Variants in HSPA12B observed in about 807,000 individuals in gnomAD.
The protein encoded by HSPA12B is heat shock 70 kDa protein 12B.
Under a neutral mutation model 69.3 loss-of-function variants are expected in HSPA12B, and 54 were observed. The observed-to-expected ratio is 0.78, with a 90% CI of 0.63 to 0.98. The LOEUF (loss-of-function observed/expected upper bound fraction) is 0.98, where lower values mean the gene tolerates loss of function less well. HSPA12B is among the 50% of genes least tolerant of loss of function. The pLI, the probability that HSPA12B is intolerant of heterozygous loss-of-function variation, is 0.00. For synonymous variants in HSPA12B, 441 were observed against 436.5 expected, an observed-to-expected ratio of 1.01 and a Z score of -0.13; for missense variants, 929 against 999.8, an observed-to-expected ratio of 0.93 and a Z score of 0.96.
intron 4 of HSPA12B, among the ~76,000 whole-genome samples, chr20:3,743,405 G>C (rs1490329756): frequency 1.3e-5 from 2 of 151,762 alleles, no homozygotes; most frequent in South Asian, 2.1e-4. Flanking sequence ...TGTGTTGCCA[G>C]GGCTGGTCTT....
At position 3,750,082 on chromosome 20, in the gene HSPA12B, G is replaced by A; in HGVS notation, c.1156G>A (p.Asp386Asn). 2.5e-6 allele frequency: 4 copies of A among 1,612,302 alleles called. No individual in the cohort carries two copies. Among genetic ancestry groups the A allele is most frequent in the Non-Finnish European group, 3.4e-6 (4 of 1,179,676 alleles). The stretch of plus-strand genomic sequence containing the variant: ...AAGGCAACGGCCGGCAGCCTGGGTA[G>A]ATCTGACCATCGCCTTCGAGGCTCG... The part of the protein sequence containing the change: ...FKRQRPAAWV[D>N]LTIAFEARKR... The change falls in exon 11 of 13, where the codon GAT (aspartate) becomes AAT (asparagine). Residue 386 changes from aspartate (D) to asparagine (N), a missense_variant. Around this residue, in one of 3 missense-constraint regions of HSPA12B, gnomAD observed 477 missense variants for 535.2 expected, o/e 0.89. Coordinates refer to ENST00000254963, the MANE Select transcript of HSPA12B (RefSeq NM_052970.5).
chr20:3,753,008 T>A lies in HSPA12B; in HGVS notation c.*842T>A, dbSNP rs2088455548. The A allele has an allele frequency of 6.5e-6, 1 of 153,322 alleles. No individual in the cohort carries two copies. Among genetic ancestry groups the A allele is most frequent in the Non-Finnish European group, 1.5e-5 (1 of 68,040 alleles). 9.5% of individuals were successfully genotyped at this position (153,322 alleles called of 1,614,324 possible). A position where few individuals can be genotyped will look rare whatever the true frequency, so the allele number is the denominator to read the frequency against. ...CTCTTACCGCTCATGGGCCTCAGTT[T>A]CCTAAAGTGTGAAATGTCAGGCACT... On this transcript the variant is annotated 3_prime_UTR_variant, in exon 13 of 13. Transcript: ENST00000254963.
rs6052051 is a variant in HSPA12B at position 3,741,127 on chromosome 20, G to A, written c.141+215G>A. On this transcript the variant is annotated intron_variant, in intron 3 of 12. Coordinates refer to ENST00000254963, the MANE Select transcript of HSPA12B (RefSeq NM_052970.5). Reference sequence around the variant, plus strand: ...AGGGTAACAATTCTACTGAGAAGGCGAGCCCCATGTAACTAACTCCCAACC... The same window carrying A: ...AGGGTAACAATTCTACTGAGAAGGCAAGCCCCATGTAACTAACTCCCAACC... 8.3e-4 allele frequency among the ~76,000 whole-genome samples: 127 copies of A among 152,136 alleles called. 7 individuals are homozygous for A. Among genetic ancestry groups the A allele is most frequent in the Admixed American group, 3.3e-3 (50 of 15,256 alleles).
At position 3,745,707 on chromosome 20, in the gene HSPA12B, G is replaced by T. The variant is rs1440532922; in HGVS notation, c.558+110G>T. On this transcript the variant is annotated intron_variant, in intron 6 of 12. Transcript: ENST00000254963. This position sits in a 1 kb window ranked among gnomAD's most constrained non-coding sequence, Gnocchi z 5.6. ...GACATTGGATGGGTAGCCACCGCCG[G>T]AGCTCAGAGGTCATCTTCTCCAGTA... The T allele has an allele frequency of 9.7e-7, 1 of 1,026,440 alleles. No homozygotes were observed. The highest frequency in any genetic ancestry group is 1.6e-5 in the African/African-American group (1 of 63,432). The allele number at this position is 1,026,440 out of a possible 1,614,324, so 63.6% of individuals were successfully genotyped here. A position where few individuals can be genotyped will look rare whatever the true frequency, so the allele number is the denominator to read the frequency against.
At chr20:3,735,589 C>T (rs953529387) in intron 1 of HSPA12B, among the ~76,000 whole-genome samples, 5 of 152,140 alleles carry the variant, frequency 3.3e-5, no homozygotes, top group Non-Finnish European at 5.9e-5. Context: ...CCTCAGCCTC[C>T]TGAGTAGCTG....
chr20:3,742,666 C>T (rs1454022403), intron 4 of HSPA12B, among the ~76,000 whole-genome samples: 1 of 151,782 alleles, frequency 6.6e-6, no homozygotes, highest in East Asian at 1.9e-4. Flanking sequence ...ATATAACAAA[C>T]ATAACAATAA....
Position 3,752,360 on chromosome 20 carries a change from C to T in HSPA12B, c.*194C>T. On this transcript the variant is annotated 3_prime_UTR_variant, in exon 13 of 13. Coordinates refer to ENST00000254963, the MANE Select transcript of HSPA12B (RefSeq NM_052970.5). ...CCCAGAGACTGGCTTTGGGATTGGGCACTGGTCCGCTGACTGCCAGGCTGA... is the reference window on the plus strand; with the variant it reads ...CCCAGAGACTGGCTTTGGGATTGGGTACTGGTCCGCTGACTGCCAGGCTGA... The T allele has an allele frequency of 1.9e-6, 1 of 527,560 alleles. No individual in the cohort carries two copies. The highest frequency in any genetic ancestry group is 2.0e-5 in the African/African-American group (1 of 49,872). 32.7% of individuals were successfully genotyped at this position (527,560 alleles called of 1,614,324 possible).
At position 3,749,068 on chromosome 20, in the gene HSPA12B, T is replaced by C. The variant is rs926108501; in HGVS notation, c.851-164T>C. On this transcript the variant is annotated intron_variant, in intron 8 of 12. Coordinates refer to ENST00000254963, the MANE Select transcript of HSPA12B (RefSeq NM_052970.5). The surrounding 1 kb of genome is among the most constrained non-coding windows in gnomAD (Gnocchi z 5.5). ...CAGCTGTTGGATACAGGGTGGGAGT[T>C]TGGGGTTCAGGATTGCCCTCTCCCA... 6.6e-6 allele frequency among the ~76,000 whole-genome samples: 1 copy of C among 152,110 alleles called. No homozygotes were observed. Among genetic ancestry groups the C allele is most frequent in the African/African-American group, 2.4e-5 (1 of 41,412 alleles).
chr20:3,743,545 T>A (rs1349734777), intron 4 of HSPA12B, among the ~76,000 whole-genome samples: 1 of 152,082 alleles, frequency 6.6e-6, no homozygotes, highest in Non-Finnish European at 1.5e-5. Flanking sequence ...TATACAAACA[T>A]ATATGTGTTT....
At chr20:3,733,787 C>A (rs1383710951) in intron 1 of HSPA12B, among the ~76,000 whole-genome samples, 1 of 152,210 alleles carries the variant, frequency 6.6e-6, no homozygotes, top group African/African-American at 2.4e-5. Context: ...GAGTCCTGTT[C>A]CATTACAGGG....
intron 7 of HSPA12B, 108 bp downstream of exon 7, chr20:3,746,139 G>A: frequency 1.3e-6 from 1 of 775,944 alleles, no homozygotes; most frequent in Non-Finnish European, 2.1e-6. Flanking sequence ...ATTGTGGAAA[G>A]AACTTCAGCC....
Position 3,752,501 on chromosome 20 carries a change from A to T in HSPA12B, c.*335A>T. On this transcript the variant is annotated 3_prime_UTR_variant, in exon 13 of 13. Transcript: ENST00000254963. The stretch of plus-strand genomic sequence containing the variant: ...ACGCAACAGAAGAGTCCTGGTCTGA[A>T]CTTGGCCGAGTAGGGGTGGGGGTGG... The T allele has an allele frequency of 1.3e-5, 2 of 152,584 alleles. No individual in the cohort carries two copies. The highest frequency in any genetic ancestry group is 2.0e-4 in the East Asian group (1 of 5,084). The allele number at this position is 152,584 out of a possible 1,614,324, so 9.5% of individuals were successfully genotyped here.
intron 11 of HSPA12B, 69 bp downstream of exon 11, chr20:3,750,296 C>A: frequency 1.4e-6 from 2 of 1,444,390 alleles, no homozygotes; most frequent in Non-Finnish European, 1.8e-6. Context: ...TGGAGGGTCC[C>A]GGGCCCCAAG....
chr20:3,738,541 C>G (rs1600309254), intron 1 of HSPA12B, 117 bp from the exon 2 acceptor site: 1 of 864,614 alleles, frequency 1.2e-6, no homozygotes, highest in East Asian at 2.5e-5. Flanking sequence ...AACATGATGG[C>G]TGGGATTTGC....
rs11473544 is a variant in HSPA12B, at chr20:3,746,301, C to CTTTTTTTT, written c.675+284_675+291dup. On this transcript the variant is annotated intron_variant, in intron 7 of 12. Coordinates refer to ENST00000254963, the MANE Select transcript of HSPA12B (RefSeq NM_052970.5). ...AAAAGCAGAGCCCAAGATGGAGAGT[C>CTTTTTTTT]TTTTTTTTTTTTTTTTTTTTTGAGA... 5.8e-4 allele frequency among the ~76,000 whole-genome samples: 52 copies of CTTTTTTTT among 89,230 alleles called. 5 individuals carry two copies. In the East Asian group the frequency reaches 6.0e-3, roughly 10 times the overall value. 58.5% of individuals were successfully genotyped at this position (89,230 alleles called of 152,430 possible). A position where few individuals can be genotyped will look rare whatever the true frequency, so the allele number is the denominator to read the frequency against.
rs773225658 is a variant in HSPA12B, at chr20:3,751,949, A to T, written c.1844A>T (p.Asp615Val). Residue 615 changes from aspartate to valine, a missense_variant, in exon 13 of 13, where the codon GAT (aspartate) becomes GTT (valine). Asp to Val is a radical substitution (Grantham distance 152, BLOSUM62 -3). Around this residue, in one of 3 missense-constraint regions of HSPA12B, gnomAD observed 448 missense variants for 448.1 expected, o/e 1.00. Transcript: ENST00000254963. Reference protein sequence around the residue: ...LINLYCCAAEDARFITDPGVR... With the variant: ...LINLYCCAAEVARFITDPGVR... ...AACCTGTACTGCTGCGCGGCAGAGG[A>T]TGCGCGCTTCATCACCGACCCCGGC... 3.2e-6 allele frequency: 5 copies of T among 1,584,754 alleles called. No homozygotes were observed. Among genetic ancestry groups the T allele is most frequent in the Non-Finnish European group, 4.3e-6 (5 of 1,170,520 alleles).
Position 3,749,318 on chromosome 20 carries a change from G to T in HSPA12B, c.937G>T (p.Gly313Ter), listed in dbSNP as rs1322438920. The T allele has an allele frequency of 1.9e-6, 3 of 1,613,060 alleles. No homozygotes were observed. Among genetic ancestry groups the T allele is most frequent in the Non-Finnish European group, 2.5e-6 (3 of 1,179,462 alleles). The change falls in exon 9 of 13, where the codon GGA becomes TGA. Residue 313 changes from glycine (G) to a stop codon, truncating the protein, a stop_gained and splice_region_variant. Coordinates refer to ENST00000254963, the MANE Select transcript of HSPA12B (RefSeq NM_052970.5). LOFTEE classifies it high-confidence loss of function. This position sits in a 1 kb window ranked among gnomAD's most constrained non-coding sequence, Gnocchi z 5.5. ...AGAGCTGTGGGCAGAGATGCAAGCAGGTAGGGGGAAAGGGGGACGGAGTGT... is the reference window on the plus strand; with the variant it reads ...AGAGCTGTGGGCAGAGATGCAAGCATGTAGGGGGAAAGGGGGACGGAGTGT... ...VGELWAEMQA[G>*]DRYVVADCGG...
intron 4 of HSPA12B, 79 bp downstream of exon 4, chr20:3,742,487 C>A (rs768022815): frequency 4.2e-6 from 5 of 1,193,404 alleles, no homozygotes; most frequent in South Asian, 4.0e-5. Context: ...GTACTGTCAC[C>A]GAGACATGGG....
At position 3,745,686 on chromosome 20, in the gene HSPA12B, T is replaced by C; in HGVS notation, c.558+89T>C. 8.2e-7 allele frequency: 1 copy of C among 1,214,382 alleles called. No homozygotes were observed. The highest frequency in any genetic ancestry group is 1.2e-5 in the South Asian group (1 of 81,364). The allele number at this position is 1,214,382 out of a possible 1,614,324, so 75.2% of individuals were successfully genotyped here. On this transcript the variant is annotated intron_variant, in intron 6 of 12. Transcript: ENST00000254963. The surrounding 1 kb of genome is among the most constrained non-coding windows in gnomAD (Gnocchi z 5.6). ...CCGCTCCCCCATCCCGTCCCCGACA[T>C]TGGATGGGTAGCCACCGCCGGAGCT...
Sources: allele counts gnomAD v4.1 joint callset (sites outside exome capture counted in the v4.1 genomes callset), GRCh38; gene constraint gnomAD v4.1.1; regional missense constraint gnomAD v4.1.1; non-coding constraint Gnocchi (gnomAD v3.1); transcripts MANE v1.5; gene names NCBI Gene and HGNC (gene_info 2026-07-23, HGNC 2026-07-21).